IPP: variants seen among roughly 807,000 people sequenced by gnomAD.
The protein encoded by IPP is actin-binding protein IPP.
A neutral mutation model predicts 64.1 loss-of-function variants in IPP; 41 were observed. That is an observed-to-expected ratio of 0.64 (90% confidence interval 0.50 to 0.83). The LOEUF (loss-of-function observed/expected upper bound fraction) is 0.83, where lower values mean the gene tolerates loss of function less well. IPP is among the 40% of genes least tolerant of loss of function. The pLI, the probability that IPP is intolerant of heterozygous loss-of-function variation, is 0.00. For synonymous variants in IPP, 214 were observed against 235.2 expected, an observed-to-expected ratio of 0.91 and a Z score of 0.83; for missense variants, 649 against 703.0, an observed-to-expected ratio of 0.92 and a Z score of 0.87.
intron 8 of IPP, among the ~76,000 whole-genome samples, chr1:45,708,393 C>T (rs908086326): frequency 6.7e-6 from 1 of 149,774 alleles, no homozygotes; most frequent in Non-Finnish European, 1.5e-5. Flanking sequence ...AAAAAGCAAC[C>T]TAGGGCCAGG....
chr1:45,724,580 C>A (rs1427327722), intron 5 of IPP, among the ~76,000 whole-genome samples: 2 of 150,476 alleles, frequency 1.3e-5, no homozygotes, highest in East Asian at 4.0e-4. Flanking sequence ...TGAGGAGCGT[C>A]TCTGCCCGGC....
At chr1:45,743,544 T>C (rs775588907) in intron 2 of IPP, among the ~76,000 whole-genome samples, 1 of 151,314 alleles carries the variant, frequency 6.6e-6, no homozygotes, top group East Asian at 1.9e-4. Flanking sequence ...CTAGACATAA[T>C]CTCTACAAAA....
At chr1:45,728,243 G>C (rs1007411939) in intron 4 of IPP, among the ~76,000 whole-genome samples, 1 of 146,116 alleles carries the variant, frequency 6.8e-6, no homozygotes, top group African/African-American at 2.5e-5. Flanking sequence ...CTGCAGCCTC[G>C]ATCTTCCCTC....
intron 8 of IPP, among the ~76,000 whole-genome samples, chr1:45,702,121 C>T (rs1175231857): frequency 6.6e-6 from 1 of 152,060 alleles, no homozygotes; most frequent in Non-Finnish European, 1.5e-5. Flanking sequence ...TAGGGAGAAC[C>T]TTTGCTCTCC....
chr1:45,716,215 C>A (rs967754032), intron 7 of IPP, among the ~76,000 whole-genome samples: 2 of 152,018 alleles, frequency 1.3e-5, no homozygotes, highest in Admixed American at 1.3e-4. Context: ...AGAAAAAAAA[C>A]GCTAAAGAAG....
At chr1:45,702,643 C>T (rs1458283871) in intron 8 of IPP, among the ~76,000 whole-genome samples, 2 of 152,098 alleles carry the variant, frequency 1.3e-5, no homozygotes, top group African/African-American at 4.8e-5. Flanking sequence ...TTAGTAGAGA[C>T]AGGGTTTTAC....
Position 45,725,739 on chromosome 1 carries a change from T to C in IPP, c.1048+1892A>G, listed in dbSNP as rs1424680509. Among the ~76,000 whole-genome samples, 55 of 139,522 alleles carry C rather than the reference T, an allele frequency of 3.9e-4. No individual in the cohort carries two copies. In the East Asian group the frequency reaches 1.0e-2, roughly 25 times the overall value. The allele number at this position is 139,522 out of a possible 152,430, so 91.5% of individuals were successfully genotyped here. A position where few individuals can be genotyped will look rare whatever the true frequency, so the allele number is the denominator to read the frequency against. The stretch of plus-strand genomic sequence containing the variant: ...ATGGGAGACTTTTCATTTTGTTCTG[T>C]ACTAAGAAAAATTCTTCTGCCTTGG... On this transcript the variant is annotated intron_variant, in intron 5 of 8. Coordinates refer to ENST00000396478, the MANE Select transcript of IPP (RefSeq NM_005897.3).
downstream of IPP, chr1:45,694,757 A>T: frequency 2.7e-6 from 1 of 373,628 alleles, no homozygotes; most frequent in Non-Finnish European, 4.8e-6. Flanking sequence ...ACCACCAAAC[A>T]CATAATAGCT....
At chr1:45,743,183 C>T (rs1646089296) in intron 2 of IPP, among the ~76,000 whole-genome samples, 1 of 151,962 alleles carries the variant, frequency 6.6e-6, no homozygotes, top group African/African-American at 2.4e-5. Context: ...GGTGATCCAC[C>T]CACCTCAGCC....
At chr1:45,745,958 T>A (rs969278485) in intron 2 of IPP, among the ~76,000 whole-genome samples, 162 bp downstream of exon 2, 5 of 152,200 alleles carry the variant, frequency 3.3e-5, no homozygotes, top group Non-Finnish European at 7.3e-5. Context: ...TCCTTCAGAT[T>A]CCTAGAAAAG....
At position 45,699,064 on chromosome 1, in the gene IPP, T is replaced by C. The variant is rs574499640; in HGVS notation, c.*902A>G. The C allele has an allele frequency of 2.0e-6, 2 of 985,466 alleles. No individual in the cohort carries two copies. Among genetic ancestry groups the C allele is most frequent in the East Asian group, 1.1e-4 (1 of 8,818 alleles). 61.0% of individuals were successfully genotyped at this position (985,466 alleles called of 1,614,324 possible). ...AAATTTCTAGGTGCATACTGCCTGC[T>C]GGACTGTATAGCCCATTACAACATC... is the stretch of plus-strand genomic sequence containing the variant. On this transcript the variant is annotated 3_prime_UTR_variant, in exon 9 of 9. Transcript: ENST00000396478.
intron 7 of IPP, among the ~76,000 whole-genome samples, chr1:45,714,755 C>T (rs1008401641): frequency 6.6e-6 from 1 of 151,748 alleles, no homozygotes; most frequent in Non-Finnish European, 1.5e-5. Flanking sequence ...ATCTCAGGTT[C>T]CAGATCCACC....
At chr1:45,696,004 T>G (rs1422416601), downstream of IPP, among the ~76,000 whole-genome samples, 3 of 152,314 alleles carry the variant, frequency 2.0e-5, no homozygotes, top group Admixed American at 2.0e-4. Flanking sequence ...CCACTCAGTC[T>G]CAATCTGATT....
At chr1:45,729,105 C>T (rs1645871823) in intron 4 of IPP, among the ~76,000 whole-genome samples, 1 of 147,594 alleles carries the variant, frequency 6.8e-6, no homozygotes, top group African/African-American at 2.5e-5. Flanking sequence ...GAGATCACGC[C>T]ACTGCACTCC....
In IPP at chr1:45,728,126, C is replaced by CTGTGTGTG. The variant is rs371114917; in HGVS notation, c.881-336_881-329dup. ...TCAATTAAAAATAGTGAGTTGAAAG[C>CTGTGTGTG]TGTGTGTGTGTGTGTGTGTGTGTGT... is the stretch of plus-strand genomic sequence containing the variant. On this transcript the variant is annotated intron_variant, in intron 4 of 8. Coordinates refer to ENST00000396478, the MANE Select transcript of IPP (RefSeq NM_005897.3). 3.9e-3 allele frequency among the ~76,000 whole-genome samples: 516 copies of CTGTGTGTG among 132,260 alleles called. 1 individual carries two copies. Among genetic ancestry groups the CTGTGTGTG allele is most frequent in the South Asian group, 7.9e-3 (30 of 3,798 alleles). 86.8% of individuals were successfully genotyped at this position (132,260 alleles called of 152,430 possible).
chr1:45,720,269 G>C (rs1428058801), intron 5 of IPP, among the ~76,000 whole-genome samples: 1 of 151,972 alleles, frequency 6.6e-6, no homozygotes, highest in Non-Finnish European at 1.5e-5. Flanking sequence ...AAGATATTTA[G>C]GAGTAAATCT....
intron 1 of IPP, among the ~76,000 whole-genome samples, chr1:45,747,857 A>C (rs868313491): frequency 5.9e-4 from 88 of 149,296 alleles, no homozygotes; most frequent in African/African-American, 1.8e-3. Context: ...AAAAAAAAAA[A>C]AAAAAAAAAA....
intron 5 of IPP, 105 bp from the exon 6 acceptor site, chr1:45,719,445 A>G: frequency 1.4e-6 from 1 of 693,516 alleles, no homozygotes; most frequent in East Asian, 2.9e-5. Context: ...AAATTCAACC[A>G]TTATGTCTGA....
chr1:45,696,330 T>C (rs891564801), downstream of IPP, among the ~76,000 whole-genome samples: 13 of 152,294 alleles, frequency 8.5e-5, no homozygotes, highest in South Asian at 4.1e-4. Flanking sequence ...AAAAACAGAA[T>C]TAAATGTAAA....
Sources: gnomAD v4.1 joint callset for allele counts (sites outside exome capture counted in the v4.1 genomes callset) on GRCh38, gnomAD v4.1.1 for gene constraint, MANE v1.5 for transcripts, NCBI Gene and HGNC (gene_info 2026-07-23, HGNC 2026-07-21) for gene names.